RAI1: variants seen among roughly 807,000 people sequenced by gnomAD.
RAI1 encodes the protein retinoic acid-induced protein 1.
RAI1 carries 9 observed loss-of-function variants against 123.8 expected under a neutral mutation model. The ratio of observed to expected loss-of-function variants is 0.07; its 90% CI spans 0.04 to 0.13. The LOEUF is 0.13. RAI1 is among the 10% of genes least tolerant of loss of function. The probability of loss-of-function intolerance (pLI) is 1.00; values close to 1 mark genes in which losing one functional copy is unlikely to be tolerated. For synonymous variants in RAI1, 1,231 were observed against 1,127.3 expected (o/e 1.09, Z -1.84); for missense variants, 2,256 against 2,545.8 (o/e 0.89, Z 2.45).
chr17:17,734,467 T>C (rs1740865773), intron 2 of RAI1, among the ~76,000 whole-genome samples: 1 of 152,056 alleles, frequency 6.6e-6, no homozygotes, highest in South Asian at 2.1e-4. Context: ...GTTGGGGGGA[T>C]GTTAAGGAGG....
intron 1 of RAI1, among the ~76,000 whole-genome samples, chr17:17,715,089 G>A (rs1915669078): frequency 6.6e-6 from 1 of 152,172 alleles, no homozygotes; most frequent in African/African-American, 2.4e-5. Context: ...AGCCAGGACA[G>A]GCCCAAGCCA....
Position 17,795,813 on chromosome 17 carries a change from G to A in RAI1, c.2865G>A (p.Gly955=), listed in dbSNP as rs771283375. ...CACACATGAAGCCAGGTGAAGAGGG[G>A]CCTGATGGGGAGCGAGCTCCAGGGG... ...SLSHMKPGEE[G]PDGERAPGDS... The change falls in exon 3 of 6, where the codon GGG becomes GGA. Residue 955 remains glycine (G), a synonymous_variant. Transcript: ENST00000353383. The surrounding 1 kb of genome is among the most constrained non-coding windows in gnomAD (Gnocchi z 5.9). 59 of 1,613,488 alleles carry A rather than the reference G, an allele frequency of 3.7e-5. No individual in the cohort carries two copies. The highest frequency in any genetic ancestry group is 3.9e-5 in the Non-Finnish European group (46 of 1,180,034).
intron 1 of RAI1, among the ~76,000 whole-genome samples, chr17:17,682,745 C>G (rs1914481245): frequency 6.6e-6 from 1 of 152,184 alleles, no homozygotes; most frequent in East Asian, 1.9e-4. Flanking sequence ...GCCCGTTTTC[C>G]CGGCTAGCAG....
intron 1 of RAI1, among the ~76,000 whole-genome samples, chr17:17,682,307 C>A (rs1437449837): frequency 6.6e-6 from 1 of 151,294 alleles, no homozygotes; most frequent in Non-Finnish European, 1.5e-5. Context: ...CCGTGCGTGG[C>A]GAGATGGGTG....
chr17:17,698,876 C>G (rs930707075), intron 1 of RAI1, among the ~76,000 whole-genome samples: 1 of 152,240 alleles, frequency 6.6e-6, no homozygotes, highest in African/African-American at 2.4e-5. Context: ...CACAAAATCC[C>G]TGCCCTTGAG....
chr17:17,777,794 GT>G (rs2031403277), intron 2 of RAI1: 1 of 152,292 alleles, frequency 6.6e-6, no homozygotes, highest in South Asian at 2.1e-4. Context: ...GTGATTGCAA[GT>G]TCAGCAGCAT....
rs757153292 is a variant in RAI1, at chr17:17,795,672, G to A, written c.2724G>A (p.Leu908=). 1.9e-6 allele frequency: 3 copies of A among 1,613,344 alleles called. No individual in the cohort carries two copies. Among genetic ancestry groups the A allele is most frequent in the South Asian group, 1.1e-5 (1 of 91,082 alleles). ...CCAAGGAGGAGGTGGAGGAGGTGCTGGACTCCAAGGCCGGCTGGGGCTCTC... is the reference window on the plus strand; with the variant it reads ...CCAAGGAGGAGGTGGAGGAGGTGCTAGACTCCAAGGCCGGCTGGGGCTCTC... The part of the protein sequence containing the change: ...ICTKEEVEEV[L]DSKAGWGSPC... Residue 908 remains leucine (L), a synonymous_variant, in exon 3 of 6, where the codon CTG becomes CTA. Coordinates refer to ENST00000353383, the MANE Select transcript of RAI1 (RefSeq NM_030665.4). This position sits in a 1 kb window ranked among gnomAD's most constrained non-coding sequence, Gnocchi z 5.9.
chr17:17,744,987 G>A (rs1030007295), intron 2 of RAI1, among the ~76,000 whole-genome samples: 2 of 152,044 alleles, frequency 1.3e-5, no homozygotes, highest in African/African-American at 4.8e-5. Flanking sequence ...TTCAGACCTT[G>A]AGCCCTGCTG....
At chr17:17,690,057 TTGTC>T (rs1194257728) in intron 1 of RAI1, among the ~76,000 whole-genome samples, 5 of 152,114 alleles carry the variant, frequency 3.3e-5, no homozygotes, top group Admixed American at 2.6e-4. Context: ...AAGTCCGCCT[TTGTC>T]TGGCGCCAGG....
chr17:17,724,336 A>T (rs1915999532), intron 2 of RAI1, among the ~76,000 whole-genome samples, 177 bp downstream of exon 2: 1 of 143,310 alleles, frequency 7.0e-6, no homozygotes, highest in African/African-American at 2.6e-5. Context: ...GGAGTTGCGG[A>T]TTTGCATGTT....
chr17:17,760,952 C>T (rs2030670487), intron 2 of RAI1, among the ~76,000 whole-genome samples: 1 of 152,204 alleles, frequency 6.6e-6, no homozygotes, highest in African/African-American at 2.4e-5. Flanking sequence ...CAGATTACCC[C>T]CTTGCCAAGA....
intron 1 of RAI1, among the ~76,000 whole-genome samples, chr17:17,690,455 C>G (rs982014573): frequency 6.6e-6 from 1 of 151,838 alleles, no homozygotes; most frequent in South Asian, 2.1e-4. Context: ...TGATTGAGGA[C>G]TCCTCACCAG....
Position 17,741,148 on chromosome 17 carries a change from C to T in RAI1, c.-17+16989C>T, listed in dbSNP as rs563498055. 2.6e-5 allele frequency among the ~76,000 whole-genome samples: 4 copies of T among 152,264 alleles called. No homozygotes were observed. In the East Asian group the frequency reaches 5.8e-4, roughly 22 times the overall value. ...ACACACGCACGCTCACACTCACACA[C>T]TTAAGCGCACACGTACACGCACGCC... On this transcript the variant is annotated intron_variant, in intron 2 of 5. Transcript: ENST00000353383.
At chr17:17,736,135 G>C (rs1916425277) in intron 2 of RAI1, among the ~76,000 whole-genome samples, 1 of 152,194 alleles carries the variant, frequency 6.6e-6, no homozygotes, top group African/African-American at 2.4e-5. Context: ...TTTCTGGGCT[G>C]TGTGGGTATT....
chr17:17,785,456 C>T (rs915134965), intron 2 of RAI1, among the ~76,000 whole-genome samples: 3 of 152,204 alleles, frequency 2.0e-5, no homozygotes, highest in African/African-American at 4.8e-5. Context: ...AAGTCTCTGC[C>T]CTCCTCAGGC....
At chr17:17,775,486 G>A (rs1368179823) in intron 2 of RAI1, among the ~76,000 whole-genome samples, 1 of 152,132 alleles carries the variant, frequency 6.6e-6, no homozygotes, top group Middle Eastern at 3.2e-3. Flanking sequence ...TTATAGGTGT[G>A]AGCCACCATG....
intron 2 of RAI1, among the ~76,000 whole-genome samples, chr17:17,783,053 G>A (rs2031659108): frequency 7.7e-6 from 1 of 129,932 alleles, no homozygotes. Context: ...GAGAATCAGG[G>A]AGATGAATGA....
Position 17,798,445 on chromosome 17 carries a change from G to C in RAI1, c.5497G>C (p.Gly1833Arg). ...WVHEACAVWT[G>R]GVYLVAGKLF... is the part of the protein sequence containing the mutation. ...GCATGAGGCCTGTGCCGTGTGGACCGGCGGCGTCTACCTGGTGGCCGGGAA... is the reference window on the plus strand; with the variant it reads ...GCATGAGGCCTGTGCCGTGTGGACCCGCGGCGTCTACCTGGTGGCCGGGAA... The change falls in exon 3 of 6, where the codon GGC becomes CGC. Residue 1833 changes from glycine to arginine, a missense_variant. Physicochemically the swap from Gly to Arg is moderately radical, Grantham distance 125. Around this residue, in one of 7 missense-constraint regions of RAI1, gnomAD observed 243 missense variants for 316.6 expected, o/e 0.77. Transcript: ENST00000353383. 6.2e-7 allele frequency: 1 copy of C among 1,609,014 alleles called. No homozygotes were observed. Among genetic ancestry groups the C allele is most frequent in the Non-Finnish European group, 8.5e-7 (1 of 1,179,744 alleles).
At chr17:17,768,534 G>A (rs1259015959) in intron 2 of RAI1, among the ~76,000 whole-genome samples, 1 of 152,238 alleles carries the variant, frequency 6.6e-6, no homozygotes, top group Non-Finnish European at 1.5e-5. Context: ...CAGGTGGCTT[G>A]CCCAGTTTAC....
Sources: gnomAD v4.1 joint callset for allele counts (sites outside exome capture counted in the v4.1 genomes callset) on GRCh38, gnomAD v4.1.1 for gene constraint, gnomAD v4.1.1 regional missense constraint, Gnocchi (gnomAD v3.1) non-coding constraint, MANE v1.5 for transcripts, NCBI Gene and HGNC (gene_info 2026-07-23, HGNC 2026-07-21) for gene names.